The following ALOX5 variants were observed in gnomAD, a reference collection of about 807,000 sequenced individuals.
ALOX5 encodes polyunsaturated fatty acid 5-lipoxygenase.
ALOX5 carries 64 observed loss-of-function variants against 87.9 expected under a neutral mutation model. The ratio of observed to expected loss-of-function variants is 0.73; its 90% confidence interval spans 0.60 to 0.90. The LOEUF is 0.90. Ranked by LOEUF, ALOX5 falls within the 40% of genes least tolerant of loss-of-function variation. ALOX5 has a pLI of 0.00. For synonymous variants in ALOX5, 388 were observed against 355.1 expected (o/e 1.09, Z -1.04); for missense variants, 822 against 907.5 (o/e 0.91, Z 1.21).
Position 45,395,919 on chromosome 10 carries a change from A to T in ALOX5, c.414A>T (p.Thr138=), listed in dbSNP as rs950750418. ...AACACCGACGTAAAGAACTGGAAAC[A>T]CGGCAAAAACAATATCGGTGAGTTA... ...LKQHRRKELE[T]RQKQYRWMEW... Residue 138 remains threonine (T), a synonymous_variant, in exon 3 of 14, where the codon ACA becomes ACT. Coordinates refer to ENST00000374391, the MANE Select transcript of ALOX5 (RefSeq NM_000698.5). 6.2e-7 allele frequency: 1 copy of T among 1,614,136 alleles called. No individual in the cohort carries two copies. Among genetic ancestry groups the T allele is most frequent in the African/African-American group, 1.3e-5 (1 of 74,954 alleles).
intron 7 of ALOX5, among the ~76,000 whole-genome samples, chr10:45,439,907 G>A (rs901693443): frequency 1.3e-5 from 2 of 152,178 alleles, no homozygotes; most frequent in Non-Finnish European, 2.9e-5. Flanking sequence ...CTCAGTACCA[G>A]GAGGGCCCCA....
At chr10:45,385,489 AC>A (rs1308385733) in intron 2 of ALOX5, among the ~76,000 whole-genome samples, 16 of 152,222 alleles carry the variant, frequency 1.1e-4, no homozygotes, top group Admixed American at 1.0e-3. Context: ...CACCTTCGGG[AC>A]CAGGGGAGAC....
chr10:45,391,586 G>A (rs1232018747), intron 2 of ALOX5, among the ~76,000 whole-genome samples: 2 of 151,168 alleles, frequency 1.3e-5, no homozygotes, highest in Non-Finnish European at 2.9e-5. Flanking sequence ...CCTCTGCCTG[G>A]CTGCCCAGTC....
chr10:45,392,602 C>A (rs931053727), intron 2 of ALOX5, among the ~76,000 whole-genome samples: 1 of 151,904 alleles, frequency 6.6e-6, no homozygotes, highest in Non-Finnish European at 1.5e-5. Flanking sequence ...CCTAGGAAAA[C>A]CAGAGACCTT....
rs78137087 is a variant in ALOX5 at position 45,374,221 on chromosome 10, C to T, written c.-59C>T. The T allele has an allele frequency of 0.16, 230,713 of 1,405,920 alleles. 19,445 individuals carry two copies. Among genetic ancestry groups the T allele is most frequent in the South Asian group, 0.2 (13,214 of 66,680 alleles). The allele number at this position is 1,405,920 out of a possible 1,614,324, so 87.1% of individuals were successfully genotyped here. Reference sequence around the variant, plus strand: ...TGGGAGGAGGCTGCGGCGCTAGATGCGGACACCTGGACCGCCGCGCCGAGG... The same window carrying T: ...TGGGAGGAGGCTGCGGCGCTAGATGTGGACACCTGGACCGCCGCGCCGAGG... On this transcript the variant is annotated 5_prime_UTR_variant, in exon 1 of 14. Transcript: ENST00000374391.
At chr10:45,378,722 C>T (rs937092939) in intron 1 of ALOX5, among the ~76,000 whole-genome samples, 4 of 152,166 alleles carry the variant, frequency 2.6e-5, no homozygotes, top group Non-Finnish European at 5.9e-5. Flanking sequence ...GTTAGAACCA[C>T]AGCCATCAAG....
intron 1 of ALOX5, among the ~76,000 whole-genome samples, chr10:45,381,990 A>T (rs1399440813): frequency 6.6e-6 from 1 of 152,262 alleles, no homozygotes; most frequent in Non-Finnish European, 1.5e-5. Context: ...CATGGGCGAA[A>T]GCCTACAGAT....
intron 2 of ALOX5, among the ~76,000 whole-genome samples, chr10:45,393,945 G>A (rs946298972): frequency 1.8e-4 from 28 of 152,150 alleles, no homozygotes; most frequent in African/African-American, 6.0e-4. Flanking sequence ...ACTGCTCAAC[G>A]AAATAAAGGA....
At chr10:45,436,119 T>G (rs774899462) in intron 7 of ALOX5, among the ~76,000 whole-genome samples, 44 of 152,258 alleles carry the variant, frequency 2.9e-4, no homozygotes, top group Non-Finnish European at 5.4e-4. Flanking sequence ...AATGGTGGTG[T>G]TTTTTCTTAA....
intron 3 of ALOX5, among the ~76,000 whole-genome samples, chr10:45,400,186 C>T (rs1403898184): frequency 2.0e-5 from 3 of 152,200 alleles, no homozygotes; most frequent in African/African-American, 7.2e-5. Flanking sequence ...CTTGTACACA[C>T]ATATTTATAG....
chr10:45,444,368 C>T (rs2132868088), intron 13 of ALOX5, 82 bp downstream of exon 13: 1 of 1,450,070 alleles, frequency 6.9e-7, no homozygotes, highest in Non-Finnish European at 9.1e-7. Context: ...GTGACTCGGG[C>T]CCCAAGGCTC....
chr10:45,384,766 C>CGGGGGT (rs1294384449), intron 2 of ALOX5, among the ~76,000 whole-genome samples: 3 of 151,712 alleles, frequency 2.0e-5, no homozygotes, highest in Non-Finnish European at 2.9e-5. Flanking sequence ...ACCCAGACTC[C>CGGGGGT]GGGGGTGGGG....
At chr10:45,409,511 C>CTCTCTG (rs1554793820) in intron 3 of ALOX5, among the ~76,000 whole-genome samples, 1 of 145,108 alleles carries the variant, frequency 6.9e-6, no homozygotes, top group Non-Finnish European at 1.5e-5. Context: ...GTCTGTCTGT[C>CTCTCTG]TCTCTCTCTC....
Position 45,445,588 on chromosome 10 carries a change from C to G in ALOX5, c.1926C>G (p.Leu642=), listed in dbSNP as rs28395861. The G allele has an allele frequency of 6.8e-4, 1,105 of 1,614,036 alleles. No individual in the cohort carries two copies. Among genetic ancestry groups the G allele is most frequent in the Non-Finnish European group, 9.0e-4 (1,060 of 1,180,036 alleles). ...CCATGGCCCGATTCCGCAAGAACCT[C>G]GAGGCCATTGTCAGCGTGATTGCTG... ...KEAMARFRKN[L]EAIVSVIAER... The change falls in exon 14 of 14, where the codon CTC becomes CTG. Residue 642 remains leucine (L), a synonymous_variant. Coordinates refer to ENST00000374391, the MANE Select transcript of ALOX5 (RefSeq NM_000698.5).
Position 45,397,373 on chromosome 10 carries a change from G to A in ALOX5, c.431+1437G>A, listed in dbSNP as rs116697955. ...CCAGCATGGTGACAAGCAAGACTCC[G>A]TCCCCCCACATACACAAAAAAAGAA... On this transcript the variant is annotated intron_variant, in intron 3 of 13. Transcript: ENST00000374391. 1.3e-3 allele frequency among the ~76,000 whole-genome samples: 192 copies of A among 152,206 alleles called. 1 individual carries two copies. The highest frequency in any genetic ancestry group is 3.0e-3 in the African/African-American group (124 of 41,540).
rs1252081092 is a variant in ALOX5 at position 45,412,456 on chromosome 10, A to G, written c.554+143A>G. On this transcript the variant is annotated intron_variant, in intron 4 of 13. Transcript: ENST00000374391. ...CAAACGCTTTGATGATATGTTGGCC[A>G]TAGAGTGGATTCTCAACGCACAATT... 4.4e-6 allele frequency: 5 copies of G among 1,143,868 alleles called. No individual in the cohort carries two copies. The African/African-American group carries it at 6.3e-5, about 14-fold the overall frequency. The allele number at this position is 1,143,868 out of a possible 1,614,324, so 70.9% of individuals were successfully genotyped here.
At position 45,382,653 on chromosome 10, in the gene ALOX5, T is replaced by A. The variant is rs1211938413; in HGVS notation, c.321T>A (p.Asp107Glu). Residue 107 changes from aspartate to glutamate, a missense_variant, in exon 2 of 14, where the codon GAT becomes GAA. Physicochemically the swap from Asp to Glu is conservative, Grantham distance 45. Transcript: ENST00000374391. Reference sequence around the variant, plus strand: ...CCTGCTACCGCTGGATCACCGGCGATGTCGAGGTTGTCCTGAGGGATGGAC... The same window carrying A: ...CCTGCTACCGCTGGATCACCGGCGAAGTCGAGGTTGTCCTGAGGGATGGAC... ...EFPCYRWITG[D>E]VEVVLRDGRA... 14 of 1,613,570 alleles carry A rather than the reference T, an allele frequency of 8.7e-6. No homozygotes were observed. The highest frequency in any genetic ancestry group is 1.3e-5 in the African/African-American group (1 of 74,948).
chr10:45,400,011 G>A (rs966089936), intron 3 of ALOX5, among the ~76,000 whole-genome samples: 2 of 152,178 alleles, frequency 1.3e-5, no homozygotes, highest in Non-Finnish European at 2.9e-5. Flanking sequence ...CAAGGATGTG[G>A]AGAAACTGGA....
At chr10:45,390,578 C>A (rs1455550410) in intron 2 of ALOX5, among the ~76,000 whole-genome samples, 1 of 152,210 alleles carries the variant, frequency 6.6e-6, no homozygotes, top group African/African-American at 2.4e-5. Flanking sequence ...GAACAACCTG[C>A]ACCTGAATGA....
Sources: allele counts gnomAD v4.1 joint callset (sites outside exome capture counted in the v4.1 genomes callset), GRCh38; gene constraint gnomAD v4.1.1; transcripts MANE v1.5; gene names NCBI Gene and HGNC (gene_info 2026-07-23, HGNC 2026-07-21).